The following ENAH variants were observed in gnomAD, a reference collection of about 807,000 sequenced individuals.
The protein encoded by ENAH is ENAH actin regulator.
A neutral mutation model predicts 78.7 loss-of-function variants in ENAH; 23 were observed. The ratio of observed to expected loss-of-function variants is 0.29; its 90% CI spans 0.21 to 0.41. The LOEUF is 0.41. Among genes scored for constraint, ENAH ranks in the 10% least tolerant of loss-of-function variants. The probability of loss-of-function intolerance (pLI) is 1.00; values close to 1 mark genes in which losing one functional copy is unlikely to be tolerated. For missense variants in ENAH, 544 were observed against 691.0 expected (o/e 0.79, Z 2.39); for synonymous variants, 226 against 241.0 (o/e 0.94, Z 0.58).
chr1:225,528,250 TAC>T (rs2096520106), intron 4 of ENAH, among the ~76,000 whole-genome samples: 1 of 152,172 alleles, frequency 6.6e-6, no homozygotes, highest in Non-Finnish European at 1.5e-5. Flanking sequence ...GTGATTAAGT[TAC>T]AGGAATTCAG....
At chr1:225,522,775 G>T (rs557436001) in intron 4 of ENAH, among the ~76,000 whole-genome samples, 66 of 152,078 alleles carry the variant, frequency 4.3e-4, no homozygotes, top group Admixed American at 4.6e-4. Context: ...GGCCCAAAGG[G>T]CAAAAGATAC....
intron 12 of ENAH, among the ~76,000 whole-genome samples, chr1:225,500,278 CTTA>C: frequency 1.3e-5 from 2 of 152,288 alleles, no homozygotes; most frequent in East Asian, 3.9e-4. Flanking sequence ...AATCTTATCA[CTTA>C]CTACTTTTTC....
chr1:225,607,909 A>G (rs2096964998), intron 1 of ENAH, among the ~76,000 whole-genome samples: 1 of 152,212 alleles, frequency 6.6e-6, no homozygotes, highest in African/African-American at 2.4e-5. Flanking sequence ...TACCATGGAA[A>G]GACTTCCCAA....
In ENAH at chr1:225,599,722, G is replaced by A. The variant is rs189562875; in HGVS notation, c.6-32308C>T. 1.5e-4 allele frequency among the ~76,000 whole-genome samples: 23 copies of A among 151,248 alleles called. No individual in the cohort carries two copies. The East Asian group carries it at 4.3e-3, about 28-fold the overall frequency. On this transcript the variant is annotated intron_variant, in intron 1 of 13. Coordinates refer to ENST00000366843, the MANE Select transcript of ENAH (RefSeq NM_018212.6). ...GAGGCAGGAGAATCACTTGAACCCCGGAGGCAGAGGTTGCCGTGAGCCAAG... is the reference window on the plus strand; with the variant it reads ...GAGGCAGGAGAATCACTTGAACCCCAGAGGCAGAGGTTGCCGTGAGCCAAG...
intron 6 of ENAH, chr1:225,515,195 A>C: frequency 2.9e-6 from 1 of 345,262 alleles, no homozygotes; most frequent in Non-Finnish European, 5.2e-6. Flanking sequence ...AAGCAAAATA[A>C]ATACTTATAA....
At chr1:225,605,830 A>G (rs2096953012) in intron 1 of ENAH, among the ~76,000 whole-genome samples, 1 of 152,150 alleles carries the variant, frequency 6.6e-6, no homozygotes, top group Admixed American at 6.5e-5. Flanking sequence ...GTGGACAGAG[A>G]AGGAGAGCCA....
intron 11 of ENAH, among the ~76,000 whole-genome samples, chr1:225,503,300 T>G (rs1298629488): frequency 6.6e-6 from 1 of 152,144 alleles, no homozygotes; most frequent in Non-Finnish European, 1.5e-5. Flanking sequence ...TTAAAAAATA[T>G]ATGTATTTTT....
intron 1 of ENAH, among the ~76,000 whole-genome samples, chr1:225,592,077 G>C (rs987968001): frequency 6.6e-6 from 1 of 152,118 alleles, no homozygotes; most frequent in Non-Finnish European, 1.5e-5. Flanking sequence ...AAGCATTCAA[G>C]TATCTGGCAC....
At chr1:225,595,472 C>G (rs1575654203) in intron 1 of ENAH, among the ~76,000 whole-genome samples, 1 of 152,128 alleles carries the variant, frequency 6.6e-6, no homozygotes, top group African/African-American at 2.4e-5. Flanking sequence ...AACAGAAAAC[C>G]TAAAGCCAGT....
intron 3 of ENAH, among the ~76,000 whole-genome samples, chr1:225,550,630 T>A (rs2096636861): frequency 6.6e-6 from 1 of 152,154 alleles, no homozygotes; most frequent in Non-Finnish European, 1.5e-5. Context: ...TACTGGAAGG[T>A]ATGTCAGGCC....
At chr1:225,637,158 T>C (rs73125706) in intron 1 of ENAH, among the ~76,000 whole-genome samples, 12,836 of 152,152 alleles carry the variant, frequency 0.084, 1,832 homozygotes, top group African/African-American at 0.29. Flanking sequence ...TTCTGTGTGC[T>C]CCAGGGTGCA....
At chr1:225,608,929 A>C (rs1237437767) in intron 1 of ENAH, among the ~76,000 whole-genome samples, 1 of 152,004 alleles carries the variant, frequency 6.6e-6, no homozygotes, top group African/African-American at 2.4e-5. Flanking sequence ...CAAAATTTTG[A>C]AGAAAAATAA....
At chr1:225,529,689 C>T (rs1257548506) in intron 4 of ENAH, among the ~76,000 whole-genome samples, 3 of 152,114 alleles carry the variant, frequency 2.0e-5, no homozygotes, top group Non-Finnish European at 4.4e-5. Flanking sequence ...TGGAGGCATC[C>T]ATAACCCAGA....
At chr1:225,617,881 G>A (rs1220224577) in intron 1 of ENAH, among the ~76,000 whole-genome samples, 1 of 152,120 alleles carries the variant, frequency 6.6e-6, no homozygotes, top group African/African-American at 2.4e-5. Flanking sequence ...GAACTGAAAG[G>A]TTCTGTTACC....
Position 225,488,258 on chromosome 1 carries a change from T to G in ENAH, c.*9517A>C, listed in dbSNP as rs1392013563. On this transcript the variant is annotated 3_prime_UTR_variant, in exon 14 of 14. Transcript: ENST00000366843. ...GGCCTCCAACTTTGGGCTCAAGTGA[T>G]CCTTCTGCCTCAGCCCCCCGAGTCG... 1 of 152,158 alleles carries G rather than the reference T, an allele frequency of 6.6e-6. No homozygotes were observed. The highest frequency in any genetic ancestry group is 1.5e-5 in the Non-Finnish European group (1 of 68,048). 9.4% of individuals were successfully genotyped at this position (152,158 alleles called of 1,614,324 possible).
intron 12 of ENAH, among the ~76,000 whole-genome samples, chr1:225,500,067 G>C (rs909179065): frequency 7.2e-5 from 11 of 152,098 alleles, no homozygotes; most frequent in African/African-American, 2.7e-4. Flanking sequence ...TGAAGCGTGT[G>C]GAAGTGCTCT....
chr1:225,613,572 C>T (rs759139652), intron 1 of ENAH, among the ~76,000 whole-genome samples: 1 of 151,976 alleles, frequency 6.6e-6, no homozygotes, highest in Non-Finnish European at 1.5e-5. Flanking sequence ...ACTAGATCAA[C>T]AAACAACACT....
intron 1 of ENAH, among the ~76,000 whole-genome samples, chr1:225,569,662 A>G (rs2096751277): frequency 6.6e-6 from 1 of 152,192 alleles, no homozygotes; most frequent in African/African-American, 2.4e-5. Flanking sequence ...TTTTCTCCAA[A>G]TGAACATATC....
intron 1 of ENAH, among the ~76,000 whole-genome samples, chr1:225,641,677 C>A (rs192645213): frequency 2.0e-5 from 3 of 150,710 alleles, no homozygotes; most frequent in Non-Finnish European, 4.4e-5. Context: ...ACGTGAGGTC[C>A]GGAGTTCGAG....
Sources: allele counts gnomAD v4.1 joint callset (sites outside exome capture counted in the v4.1 genomes callset), GRCh38; gene constraint gnomAD v4.1.1; transcripts MANE v1.5; gene names NCBI Gene and HGNC (gene_info 2026-07-23, HGNC 2026-07-21).